ZNF704: variants seen among roughly 807,000 people sequenced by gnomAD.
The protein encoded by ZNF704 is glucocorticoid induced gene 1.
ZNF704 carries 10 observed loss-of-function variants against 44.7 expected under a neutral mutation model. The ratio of observed to expected loss-of-function variants is 0.22; its 90% CI spans 0.14 to 0.38. The LOEUF (loss-of-function observed/expected upper bound fraction) is 0.38, where lower values mean the gene tolerates loss of function less well. ZNF704 is among the 10% of genes least tolerant of loss of function. The probability of loss-of-function intolerance (pLI) is 1.00; values close to 1 mark genes in which losing one functional copy is unlikely to be tolerated. For missense variants in ZNF704, 390 were observed against 545.5 expected (o/e 0.71, Z 2.84); for synonymous variants, 211 against 207.6 (o/e 1.02, Z -0.14).
At chr8:80,847,772 A>C (rs965931075) in intron 1 of ZNF704, among the ~76,000 whole-genome samples, 3 of 152,208 alleles carry the variant, frequency 2.0e-5, no homozygotes, top group African/African-American at 7.2e-5. Flanking sequence ...AAAAACATGA[A>C]CTTCAGCCGA....
intron 2 of ZNF704, among the ~76,000 whole-genome samples, chr8:80,779,016 A>T (rs544205849): frequency 6.7e-4 from 101 of 151,402 alleles, no homozygotes; most frequent in South Asian, 3.8e-3. Context: ...AATAAAATTT[A>T]AAAAAAAAGG....
chr8:80,789,767 C>A lies in ZNF704; in HGVS notation c.221+31607G>T, dbSNP rs143169559. Among the ~76,000 whole-genome samples the A allele has an allele frequency of 6.9e-3, 1,048 of 151,756 alleles. 34 individuals are homozygous for A. Among genetic ancestry groups the A allele is most frequent in the Admixed American group, 0.054 (830 of 15,246 alleles). On this transcript the variant is annotated intron_variant, in intron 2 of 8. Transcript: ENST00000327835. The stretch of plus-strand genomic sequence containing the variant: ...CTGAAAAACTAATAACAAAAAAAAA[C>A]CCCTAAAAATAACACATGATTCAAC...
chr8:80,873,869 A>AGCGGCG (rs995309037), intron 1 of ZNF704, among the ~76,000 whole-genome samples: 21 of 144,238 alleles, frequency 1.5e-4, no homozygotes, highest in Admixed American at 1.2e-3. Context: ...CGGCGGCGGC[A>AGCGGCG]GCGGCGGCCT....
chr8:80,745,774 T>G (rs1806833661), intron 2 of ZNF704, among the ~76,000 whole-genome samples: 1 of 152,152 alleles, frequency 6.6e-6, no homozygotes. Context: ...AAATTCCACA[T>G]ATCAGATTAC....
chr8:80,628,470 A>C lies in ZNF704; in HGVS notation c.*12896T>G, dbSNP rs1817537684. 1 of 152,170 alleles carries C rather than the reference A, an allele frequency of 6.6e-6. No individual in the cohort carries two copies. Among genetic ancestry groups the C allele is most frequent in the African/African-American group, 2.4e-5 (1 of 41,430 alleles). The allele number at this position is 152,170 out of a possible 1,614,324, so 9.4% of individuals were successfully genotyped here. A position where few individuals can be genotyped will look rare whatever the true frequency, so the allele number is the denominator to read the frequency against. On this transcript the variant is annotated 3_prime_UTR_variant, in exon 9 of 9. Transcript: ENST00000327835. ...TCCGAATAGAAGCAGATACACAAAA[A>C]CTTTTATTAAGTGGAAGTTAGACTT...
intron 2 of ZNF704, among the ~76,000 whole-genome samples, chr8:80,701,988 T>A (rs1001646926): frequency 6.6e-6 from 1 of 152,096 alleles, no homozygotes; most frequent in African/African-American, 2.4e-5. Context: ...GTTCTTCAGA[T>A]GAAAGGAACT....
At chr8:80,689,682 C>T (rs1255968781) in intron 3 of ZNF704, among the ~76,000 whole-genome samples, 1 of 152,152 alleles carries the variant, frequency 6.6e-6, no homozygotes, top group African/African-American at 2.4e-5. Context: ...AAGTATGAGG[C>T]ACTGAATTTA....
At chr8:80,746,130 G>C (rs1806839888) in intron 2 of ZNF704, among the ~76,000 whole-genome samples, 2 of 152,186 alleles carry the variant, frequency 1.3e-5, no homozygotes, top group African/African-American at 2.4e-5. Flanking sequence ...CCCAAGCGAA[G>C]TGTAACCTCA....
intron 2 of ZNF704, among the ~76,000 whole-genome samples, chr8:80,761,732 T>G (rs1027497366): frequency 7.9e-5 from 12 of 152,218 alleles, no homozygotes; most frequent in African/African-American, 2.9e-4. Context: ...AACACTCAGG[T>G]ATACTAACAA....
intron 2 of ZNF704, among the ~76,000 whole-genome samples, chr8:80,701,237 G>A (rs917306305): frequency 1.3e-5 from 2 of 151,946 alleles, no homozygotes; most frequent in East Asian, 1.9e-4. Flanking sequence ...TCCTCGGCAC[G>A]CATCCTACCT....
chr8:80,723,974 T>C (rs1783840291), intron 2 of ZNF704, among the ~76,000 whole-genome samples: 1 of 152,218 alleles, frequency 6.6e-6, no homozygotes, highest in Non-Finnish European at 1.5e-5. Context: ...ACACTGATTC[T>C]CATCAGCTTT....
At chr8:80,749,125 C>T (rs1806898580) in intron 2 of ZNF704, among the ~76,000 whole-genome samples, 1 of 152,104 alleles carries the variant, frequency 6.6e-6, no homozygotes, top group Non-Finnish European at 1.5e-5. Flanking sequence ...ATTTTAACTA[C>T]CTGCAAATGA....
At chr8:80,713,498 C>T (rs574432709) in intron 2 of ZNF704, among the ~76,000 whole-genome samples, 135 of 152,242 alleles carry the variant, frequency 8.9e-4, no homozygotes, top group South Asian at 3.9e-3. Context: ...GTCTTTTCCA[C>T]GTTTGTATCA....
chr8:80,737,149 T>C (rs1806681514), intron 2 of ZNF704, among the ~76,000 whole-genome samples: 1 of 152,250 alleles, frequency 6.6e-6, no homozygotes, highest in Non-Finnish European at 1.5e-5. Flanking sequence ...GTTCGTTATC[T>C]ACTTACATAT....
intron 1 of ZNF704, among the ~76,000 whole-genome samples, chr8:80,829,526 T>C (rs949435485): frequency 3.9e-5 from 6 of 152,072 alleles, no homozygotes; most frequent in African/African-American, 1.4e-4. Context: ...TGGGGCCAAA[T>C]GGATTGATTA....
At chr8:80,863,122 T>C (rs1423435531) in intron 1 of ZNF704, among the ~76,000 whole-genome samples, 2 of 152,366 alleles carry the variant, frequency 1.3e-5, no homozygotes, top group East Asian at 3.9e-4. Context: ...TCTTCAGATA[T>C]TTATTTTTAT....
At chr8:80,815,893 A>G (rs1021377923) in intron 2 of ZNF704, among the ~76,000 whole-genome samples, 1 of 152,242 alleles carries the variant, frequency 6.6e-6, no homozygotes, top group African/African-American at 2.4e-5. Context: ...AGTTGCAAGC[A>G]CTGGTTCTGT....
chr8:80,849,031 T>C (rs1808814462), intron 1 of ZNF704, among the ~76,000 whole-genome samples: 1 of 152,126 alleles, frequency 6.6e-6, no homozygotes, highest in African/African-American at 2.4e-5. Flanking sequence ...ATTAAAAAGA[T>C]AGATACCTTT....
chr8:80,784,695 T>C (rs973217427), intron 2 of ZNF704, among the ~76,000 whole-genome samples: 1 of 152,184 alleles, frequency 6.6e-6, no homozygotes, highest in Admixed American at 6.5e-5. Context: ...GTGGCTTGTC[T>C]TCTCCTTCGC....
Sources: gnomAD v4.1 joint callset for allele counts (sites outside exome capture counted in the v4.1 genomes callset) on GRCh38, gnomAD v4.1.1 for gene constraint, MANE v1.5 for transcripts, NCBI Gene and HGNC (gene_info 2026-07-23, HGNC 2026-07-21) for gene names.